COL22A1: variants seen among roughly 807,000 people sequenced by gnomAD.
COL22A1 encodes the protein collagen alpha-1(XXII) chain.
Under a neutral mutation model 248.9 loss-of-function variants are expected in COL22A1, and 221 were observed. The observed-to-expected ratio is 0.89, with a 90% CI of 0.80 to 0.99. COL22A1 has a LOEUF of 0.99. COL22A1 is among the 50% of genes least tolerant of loss of function. COL22A1 has a pLI of 0.00. For missense variants in COL22A1, 2,240 were observed against 2,179.0 expected (o/e 1.03, Z -0.56); for synonymous variants, 891 against 793.4 (o/e 1.12, Z -2.07).
At chr8:138,786,857 T>C (rs958579921) in intron 12 of COL22A1, among the ~76,000 whole-genome samples, 1 of 152,028 alleles carries the variant, frequency 6.6e-6, no homozygotes, top group African/African-American at 2.4e-5. Flanking sequence ...TGAGCCGAGA[T>C]CATGCCACTG....
chr8:138,812,543 G>C (rs1255603755), intron 8 of COL22A1, among the ~76,000 whole-genome samples: 1 of 152,134 alleles, frequency 6.6e-6, no homozygotes, highest in East Asian at 1.9e-4. Context: ...GCAAACCCTG[G>C]TGTCTTGGGC....
intron 18 of COL22A1, 74 bp downstream of exon 18, chr8:138,760,169 G>A: frequency 7.6e-6 from 10 of 1,318,970 alleles, no homozygotes; most frequent in Non-Finnish European, 1.0e-5. Flanking sequence ...CCTGAGCCTG[G>A]TTTGCCAAGG....
At position 138,876,070 on chromosome 8, in the gene COL22A1, C is replaced by T. The variant is rs142406847; in HGVS notation, c.658+1680G>A. On this transcript the variant is annotated intron_variant, in intron 3 of 64. Transcript: ENST00000303045. ...CAGAGATCTGACCATGTCATACCCC[C>T]GCATAAACCCTCCAGCATGTCCTCA... Among the ~76,000 whole-genome samples, 1,254 of 152,286 alleles carry T rather than the reference C, an allele frequency of 8.2e-3. 5 individuals are homozygous for T. The highest frequency in any genetic ancestry group is 0.017 in the Middle Eastern group (5 of 294).
chr8:138,764,158 T>C (rs1030999477), intron 16 of COL22A1, among the ~76,000 whole-genome samples: 2 of 152,222 alleles, frequency 1.3e-5, no homozygotes, highest in African/African-American at 4.8e-5. Flanking sequence ...TTTCAGCTCA[T>C]GGCTGCTGTG....
At chr8:138,755,726 A>C (rs1187664587) in intron 19 of COL22A1, 59 bp downstream of exon 19, 2 of 1,564,032 alleles carry the variant, frequency 1.3e-6, no homozygotes, top group East Asian at 4.5e-5. Flanking sequence ...GTGAAGACTC[A>C]TCCAACCACC....
At chr8:138,785,689 C>A (rs1815460041) in intron 12 of COL22A1, among the ~76,000 whole-genome samples, 1 of 152,186 alleles carries the variant, frequency 6.6e-6, no homozygotes, top group Non-Finnish European at 1.5e-5. Context: ...GACACCTTGG[C>A]CTCTCCTCCC....
intron 41 of COL22A1, among the ~76,000 whole-genome samples, chr8:138,674,292 G>A (rs538704516): frequency 4.6e-5 from 7 of 152,222 alleles, no homozygotes; most frequent in African/African-American, 1.2e-4. Context: ...TTCCTGTAAC[G>A]AGGCAACTGC....
chr8:138,781,095 T>C lies in COL22A1; in HGVS notation c.1597-115A>G, dbSNP rs1272107455. On this transcript the variant is annotated intron_variant, in intron 12 of 64. Coordinates refer to ENST00000303045, the MANE Select transcript of COL22A1 (RefSeq NM_152888.3). Reference sequence around the variant, plus strand: ...GGAAGGAAATTGTGACCAAGACTGCTGCTCAAAAATTGATCCACAAGCCTG... The same window carrying C: ...GGAAGGAAATTGTGACCAAGACTGCCGCTCAAAAATTGATCCACAAGCCTG... The C allele has an allele frequency of 9.5e-6, 7 of 735,838 alleles. No homozygotes were observed. In the Admixed American group the frequency reaches 1.4e-4, roughly 15 times the overall value. The allele number at this position is 735,838 out of a possible 1,614,324, so 45.6% of individuals were successfully genotyped here.
chr8:138,690,931 C>A, intron 35 of COL22A1, 57 bp from the exon 36 acceptor site: 1 of 1,416,510 alleles, frequency 7.1e-7, no homozygotes, highest in South Asian at 1.3e-5. Context: ...GTAGTTGCCC[C>A]CACTCTCTCT....
intron 63 of COL22A1, 38 bp from the exon 64 acceptor site, chr8:138,591,539 C>A (rs1389507602): frequency 1.4e-6 from 2 of 1,461,792 alleles, no homozygotes; most frequent in South Asian, 1.4e-5. Context: ...GGTGGAGACC[C>A]CCGGGGAGGA....
At chr8:138,843,837 T>C (rs1239439918) in intron 4 of COL22A1, among the ~76,000 whole-genome samples, 2 of 152,262 alleles carry the variant, frequency 1.3e-5, no homozygotes, top group Non-Finnish European at 1.5e-5. Flanking sequence ...TCATGCATTA[T>C]TGAGTGACTC....
chr8:138,616,454 C>T (rs1188249909), intron 54 of COL22A1, among the ~76,000 whole-genome samples: 1 of 152,318 alleles, frequency 6.6e-6, no homozygotes, highest in East Asian at 1.9e-4. Flanking sequence ...CCATTCTGGG[C>T]ATTCAGAGGA....
At chr8:138,602,539 C>T (rs1026556796) in intron 59 of COL22A1, among the ~76,000 whole-genome samples, 6 of 152,178 alleles carry the variant, frequency 3.9e-5, no homozygotes, top group East Asian at 3.9e-4. Context: ...GATAGTTCTG[C>T]GGTCTCATGG....
At chr8:138,804,188 A>G (rs1484410686) in intron 10 of COL22A1, among the ~76,000 whole-genome samples, 1 of 152,074 alleles carries the variant, frequency 6.6e-6, no homozygotes, top group Non-Finnish European at 1.5e-5. Context: ...CACCTGGCAG[A>G]CTCAGCCTAT....
intron 10 of COL22A1, among the ~76,000 whole-genome samples, chr8:138,807,508 A>T (rs1276075209): frequency 6.6e-6 from 1 of 152,206 alleles, no homozygotes; most frequent in Non-Finnish European, 1.5e-5. Flanking sequence ...GTTGGAGCAA[A>T]TGAGACCTGA....
intron 54 of COL22A1, among the ~76,000 whole-genome samples, chr8:138,616,571 T>C (rs2131912603): frequency 6.6e-6 from 1 of 152,314 alleles, no homozygotes; most frequent in African/African-American, 2.4e-5. Flanking sequence ...ATCACCCATG[T>C]CCTCTGGGCC....
At chr8:138,690,940 CT>C (rs1826798466) in intron 35 of COL22A1, 66 bp from the exon 36 acceptor site, 4 of 1,305,870 alleles carry the variant, frequency 3.1e-6, no homozygotes, top group African/African-American at 1.5e-5. Flanking sequence ...CCCACTCTCT[CT>C]GCAAATCTGC....
chr8:138,768,824 C>T (rs1045088992), intron 16 of COL22A1, among the ~76,000 whole-genome samples: 2 of 152,032 alleles, frequency 1.3e-5, no homozygotes, highest in African/African-American at 4.8e-5. Flanking sequence ...ATAATCCCAG[C>T]TATTCGGGAG....
At chr8:138,706,470 A>T (rs1439594872) in intron 30 of COL22A1, among the ~76,000 whole-genome samples, 1 of 152,250 alleles carries the variant, frequency 6.6e-6, no homozygotes, top group Non-Finnish European at 1.5e-5. Flanking sequence ...ACTAGAATGC[A>T]GGATTAAGAA....
Sources: gnomAD v4.1 joint callset for allele counts (sites outside exome capture counted in the v4.1 genomes callset) on GRCh38, gnomAD v4.1.1 for gene constraint, MANE v1.5 for transcripts, NCBI Gene and HGNC (gene_info 2026-07-23, HGNC 2026-07-21) for gene names.